The following FRYL variants were observed in gnomAD, a reference collection of about 807,000 sequenced individuals.
FRYL encodes the protein protein furry homolog-like.
In FRYL, 150 loss-of-function variants were observed where a neutral mutation model predicts 351.2. That is an observed-to-expected ratio of 0.43 (90% CI 0.37 to 0.49). The LOEUF is 0.49. Among genes scored for constraint, FRYL ranks in the 20% least tolerant of loss-of-function variants. The probability of loss-of-function intolerance (pLI) is 0.00; values close to 1 mark genes in which losing one functional copy is unlikely to be tolerated. For missense variants in FRYL, 3,036 were observed against 3,619.3 expected (o/e 0.84, Z 4.13); for synonymous variants, 1,153 against 1,257.1 (o/e 0.92, Z 1.75).
chr4:48,543,785 C>G lies in FRYL; in HGVS notation c.5592+22G>C, dbSNP rs1379961814. On this transcript the variant is annotated intron_variant, in intron 44 of 63. Coordinates refer to ENST00000358350, the MANE Select transcript of FRYL (RefSeq NM_015030.2). ...ACAACTAGTAGCTGCTCAATAACTG[C>G]TGAAAGAATATAAGGAAATACCTGT... is the stretch of plus-strand genomic sequence containing the variant. 5.6e-6 allele frequency: 9 copies of G among 1,603,146 alleles called. No homozygotes were observed. In the Admixed American group the frequency reaches 1.0e-4, roughly 18 times the overall value.
intron 1 of FRYL, among the ~76,000 whole-genome samples, chr4:48,749,729 C>G (rs1306098683): frequency 6.6e-6 from 1 of 152,160 alleles, no homozygotes; most frequent in African/African-American, 2.4e-5. Flanking sequence ...AAGAGAAGAC[C>G]TGGAGCTTCC....
intron 4 of FRYL, among the ~76,000 whole-genome samples, chr4:48,629,729 C>A (rs1251783912): frequency 6.6e-6 from 1 of 151,878 alleles, no homozygotes; most frequent in Non-Finnish European, 1.5e-5. Context: ...GTGAGCTTGA[C>A]CCACAGAGAG....
At chr4:48,738,962 A>G (rs1025211027) in intron 1 of FRYL, among the ~76,000 whole-genome samples, 17 of 152,140 alleles carry the variant, frequency 1.1e-4, no homozygotes, top group Non-Finnish European at 2.2e-4. Context: ...TAGCCAACAC[A>G]ATATGGAAGG....
At chr4:48,647,841 A>G (rs1756842338) in intron 3 of FRYL, among the ~76,000 whole-genome samples, 1 of 152,168 alleles carries the variant, frequency 6.6e-6, no homozygotes, top group Non-Finnish European at 1.5e-5. Flanking sequence ...CTGAGGGATG[A>G]TAAGAGTATT....
At position 48,523,107 on chromosome 4, in the gene FRYL, G is replaced by A; in HGVS notation, c.7318-3C>T. The A allele has an allele frequency of 6.2e-7, 1 of 1,608,034 alleles. No individual in the cohort carries two copies. Among genetic ancestry groups the A allele is most frequent in the East Asian group, 2.2e-5 (1 of 44,802 alleles). ...TTGAAATTGTCCATACTTTCACCCTGGAAAAGCAAGACACGATTTCTAAAA... is the reference window on the plus strand; with the variant it reads ...TTGAAATTGTCCATACTTTCACCCTAGAAAAGCAAGACACGATTTCTAAAA... On this transcript the variant is annotated splice_region_variant and splice_polypyrimidine_tract_variant and intron_variant, in intron 53 of 63. Coordinates refer to ENST00000358350, the MANE Select transcript of FRYL (RefSeq NM_015030.2).
At chr4:48,535,958 C>T (rs765753851) in intron 47 of FRYL, 131 bp from the exon 48 acceptor site, 12 of 669,062 alleles carry the variant, frequency 1.8e-5, no homozygotes, top group Admixed American at 1.1e-4. Flanking sequence ...TACTTCAATA[C>T]GTTAGAAAAG....
In FRYL at chr4:48,585,631, G is replaced by A. The variant is rs116509842; in HGVS notation, c.1748+990C>T. 7.3e-3 allele frequency among the ~76,000 whole-genome samples: 1,108 copies of A among 152,258 alleles called. 5 individuals carry two copies. The highest frequency in any genetic ancestry group is 0.011 in the Non-Finnish European group (722 of 68,016). On this transcript the variant is annotated intron_variant, in intron 19 of 63. Transcript: ENST00000358350. ...GATGCTTATTGGAACGCAGTCATGCGCACTCTATTGTCTATGGCTGCTTTT... is the reference window on the plus strand; with the variant it reads ...GATGCTTATTGGAACGCAGTCATGCACACTCTATTGTCTATGGCTGCTTTT...
chr4:48,572,435 T>C (rs935228796), intron 26 of FRYL, among the ~76,000 whole-genome samples: 5 of 152,218 alleles, frequency 3.3e-5, no homozygotes, highest in African/African-American at 9.6e-5. Context: ...ACAGAAAAAT[T>C]TGCAATTTCA....
intron 8 of FRYL, 120 bp from the exon 9 acceptor site, chr4:48,609,187 T>C (rs982515399): frequency 1.2e-5 from 8 of 649,978 alleles, no homozygotes; most frequent in Non-Finnish European, 1.9e-5. Context: ...TATTCATTTA[T>C]ATGATAAAAG....
At chr4:48,603,165 T>G (rs896507365) in intron 12 of FRYL, 125 bp downstream of exon 12, 2 of 713,970 alleles carry the variant, frequency 2.8e-6, no homozygotes, top group African/African-American at 1.8e-5. Flanking sequence ...AACTTGCCCT[T>G]GTATTGCACT....
chr4:48,742,973 A>ATTTTTT (rs71191256), intron 1 of FRYL, among the ~76,000 whole-genome samples: 6 of 81,748 alleles, frequency 7.3e-5, no homozygotes, highest in Non-Finnish European at 1.4e-4. Context: ...CGCCTGGATA[A>ATTTTTT]TTTTTTTTTT....
In FRYL at chr4:48,565,594, C is replaced by G. The variant is rs764289555; in HGVS notation, c.3267G>C (p.Thr1089=). Residue 1089 remains threonine, a synonymous_variant, in exon 29 of 64, where the codon ACG becomes ACC. Coordinates refer to ENST00000358350, the MANE Select transcript of FRYL (RefSeq NM_015030.2). ...TTCTATCACTGTATCTGTCCAAGGG[C>G]GTAAACATGATGCTAAAAGGACCTG... ...HWAGPFSIMF[T]PLDRYSDRNM... 6.2e-7 allele frequency: 1 copy of G among 1,613,720 alleles called. No individual in the cohort carries two copies. Among genetic ancestry groups the G allele is most frequent in the Non-Finnish European group, 8.5e-7 (1 of 1,179,842 alleles).
At chr4:48,741,675 G>A (rs1359468365) in intron 1 of FRYL, among the ~76,000 whole-genome samples, 5 of 151,984 alleles carry the variant, frequency 3.3e-5, no homozygotes, top group East Asian at 1.9e-4. Context: ...CATCCCAGGC[G>A]ACAGAGCAAG....
chr4:48,565,904 A>G (rs534006507), intron 28 of FRYL, among the ~76,000 whole-genome samples: 130 of 152,324 alleles, frequency 8.5e-4, no homozygotes, highest in African/African-American at 3.1e-3. Flanking sequence ...CCAGCATTAC[A>G]TGACATAGAG....
chr4:48,632,104 A>ATATATATG (rs1553957627), intron 4 of FRYL, among the ~76,000 whole-genome samples: 642 of 49,728 alleles, frequency 0.013, 14 homozygotes, highest in South Asian at 0.055. Context: ...ATATATATAT[A>ATATATATG]TATATATATA....
At chr4:48,742,973 A>ATTTTTTTTTTTTTTCTTTT (rs1772269463) in intron 1 of FRYL, among the ~76,000 whole-genome samples, 1 of 81,746 alleles carries the variant, frequency 1.2e-5, no homozygotes, top group South Asian at 4.4e-4. Flanking sequence ...CGCCTGGATA[A>ATTTTTTTTTTTTTTCTTTT]TTTTTTTTTT....
At chr4:48,643,361 G>A (rs778764433) in intron 3 of FRYL, among the ~76,000 whole-genome samples, 3 of 152,176 alleles carry the variant, frequency 2.0e-5, no homozygotes, top group Non-Finnish European at 4.4e-5. Context: ...GTTAACTGCT[G>A]CTAACTTAGG....
chr4:48,542,779 C>G (rs1730515053), intron 44 of FRYL, among the ~76,000 whole-genome samples: 1 of 152,122 alleles, frequency 6.6e-6, no homozygotes, highest in Non-Finnish European at 1.5e-5. Context: ...CCATAACTTC[C>G]CTTAATCTAA....
chr4:48,581,005 G>A (rs1740775239), intron 21 of FRYL, 54 bp from the exon 22 acceptor site: 1 of 1,109,958 alleles, frequency 9.0e-7, no homozygotes. Flanking sequence ...AAGCAAAGTA[G>A]CCAAACCCAA....
Sources: gnomAD v4.1 joint callset for allele counts (sites outside exome capture counted in the v4.1 genomes callset) on GRCh38, gnomAD v4.1.1 for gene constraint, MANE v1.5 for transcripts, NCBI Gene and HGNC (gene_info 2026-07-23, HGNC 2026-07-21) for gene names.